GALNT10: variants seen among roughly 807,000 people sequenced by gnomAD.
GALNT10 encodes the protein polypeptide N-acetylgalactosaminyltransferase 10, also known as GalNAc transferase 10.
A neutral mutation model predicts 75.0 loss-of-function variants in GALNT10; 41 were observed. That is an observed-to-expected ratio of 0.55 (90% confidence interval 0.43 to 0.71). The LOEUF is 0.71. Ranked by LOEUF, GALNT10 falls within the 30% of genes least tolerant of loss-of-function variation. GALNT10 has a pLI of 0.00. For synonymous variants in GALNT10, 302 were observed against 313.0 expected (o/e 0.96, Z 0.37); for missense variants, 727 against 818.5 (o/e 0.89, Z 1.36).
intron 4 of GALNT10, among the ~76,000 whole-genome samples, chr5:154,332,641 T>C (rs931081482): frequency 6.6e-6 from 1 of 152,010 alleles, no homozygotes; most frequent in Non-Finnish European, 1.5e-5. Flanking sequence ...TGTGAATGAG[T>C]GAATAGATGC....
chr5:154,338,051 T>C, intron 4 of GALNT10: 2 of 1,348,574 alleles, frequency 1.5e-6, no homozygotes, highest in Non-Finnish European at 2.1e-6. Flanking sequence ...TCCATACTGT[T>C]CAAAATAATC....
At chr5:154,253,885 A>G (rs1375220212) in intron 1 of GALNT10, among the ~76,000 whole-genome samples, 1 of 152,002 alleles carries the variant, frequency 6.6e-6, no homozygotes, top group African/African-American at 2.4e-5. Context: ...ACCTCAGTGC[A>G]GGTCTTGATC....
intron 4 of GALNT10, among the ~76,000 whole-genome samples, chr5:154,356,805 A>G (rs1451972907): frequency 2.0e-5 from 3 of 152,220 alleles, no homozygotes; most frequent in Non-Finnish European, 4.4e-5. Flanking sequence ...AGAGGGCTAC[A>G]GAGGCCAAAC....
intron 4 of GALNT10, among the ~76,000 whole-genome samples, chr5:154,368,732 C>T (rs1755516748): frequency 6.6e-6 from 1 of 152,226 alleles, no homozygotes; most frequent in Non-Finnish European, 1.5e-5. Context: ...GTGCATTTCA[C>T]CTGCCAAAAC....
chr5:154,222,014 C>T (rs1165520616), intron 1 of GALNT10, among the ~76,000 whole-genome samples: 3 of 151,880 alleles, frequency 2.0e-5, no homozygotes, highest in Non-Finnish European at 2.9e-5. Context: ...AAGTGTGCAA[C>T]TTGATCAATT....
At chr5:154,333,406 C>T (rs1754896589) in intron 4 of GALNT10, among the ~76,000 whole-genome samples, 1 of 152,176 alleles carries the variant, frequency 6.6e-6, no homozygotes, top group African/African-American at 2.4e-5. Flanking sequence ...AAGGGCACTT[C>T]TTAATAAATT....
chr5:154,258,296 C>T, intron 1 of GALNT10, among the ~76,000 whole-genome samples: 1 of 152,136 alleles, frequency 6.6e-6, no homozygotes, highest in East Asian at 1.9e-4. Flanking sequence ...TATTCAGTGT[C>T]TATTGTCTTG....
In GALNT10 at chr5:154,409,616, C is replaced by T; in HGVS notation, c.1240C>T (p.His414Tyr). 1.2e-6 allele frequency: 2 copies of T among 1,613,618 alleles called. No homozygotes were observed. The highest frequency in any genetic ancestry group is 1.7e-6 in the Non-Finnish European group (2 of 1,179,512). ...TTACCAGCGCCGGCCTGAATACCGC[C>T]ACCTCTCCGCTGGGGATGTCGCAGT... ...YIYQRRPEYR[H>Y]LSAGDVAVQK... The change falls in exon 9 of 12, where the codon CAC (histidine) becomes TAC (tyrosine). Residue 414 changes from histidine to tyrosine, a missense_variant. Coordinates refer to ENST00000297107, the MANE Select transcript of GALNT10 (RefSeq NM_198321.4). This position sits in a 1 kb window ranked among gnomAD's most constrained non-coding sequence, Gnocchi z 4.5.
intron 3 of GALNT10, among the ~76,000 whole-genome samples, chr5:154,310,343 G>A (rs551193230): frequency 6.6e-6 from 1 of 152,282 alleles, no homozygotes; most frequent in South Asian, 2.1e-4. Flanking sequence ...TAGCGAGGCT[G>A]TTGTGGGAGG....
intron 2 of GALNT10, among the ~76,000 whole-genome samples, chr5:154,297,178 A>G (rs1035326918): frequency 6.6e-6 from 1 of 152,180 alleles, no homozygotes; most frequent in African/African-American, 2.4e-5. Flanking sequence ...AATTTCCTGG[A>G]GTATCACACT....
chr5:154,347,639 G>A (rs62379903), intron 4 of GALNT10, among the ~76,000 whole-genome samples: 2,939 of 152,216 alleles, frequency 0.019, 43 homozygotes, highest in Middle Eastern at 0.061. Flanking sequence ...TGGGATTACA[G>A]GCGTGAGCCA....
chr5:154,326,795 A>AT (rs1172988601), intron 3 of GALNT10, among the ~76,000 whole-genome samples: 1 of 152,180 alleles, frequency 6.6e-6, no homozygotes, highest in Non-Finnish European at 1.5e-5. Context: ...TTTAGGAGTG[A>AT]TGAAAATGTT....
In GALNT10 at chr5:154,190,991, G is replaced by A. The variant is rs750282728; in HGVS notation, c.125G>A (p.Gly42Glu). The change falls in exon 1 of 12, where the codon GGA becomes GAA. Residue 42 changes from glycine to glutamate, a missense_variant. Transcript: ENST00000297107. The part of the protein sequence containing the change: ...RERQPDGTPG[G>E]SGAAVAPAAG... ...CGGCAGCCCGACGGCACCCCTGGGG[G>A]ATCGGGGGCGGCGGTGGCGCCGGCG... 2.4e-5 allele frequency: 36 copies of A among 1,495,902 alleles called. No individual in the cohort carries two copies. The highest frequency in any genetic ancestry group is 3.2e-5 in the Non-Finnish European group (36 of 1,122,186). 92.7% of individuals were successfully genotyped at this position (1,495,902 alleles called of 1,614,324 possible). A position where few individuals can be genotyped will look rare whatever the true frequency, so the allele number is the denominator to read the frequency against.
intron 1 of GALNT10, among the ~76,000 whole-genome samples, chr5:154,275,666 G>A (rs1472537641): frequency 2.6e-5 from 4 of 152,204 alleles, no homozygotes; most frequent in African/African-American, 2.4e-5. Flanking sequence ...TGGCTCATTC[G>A]CATGACTGGT....
intron 1 of GALNT10, chr5:154,287,372 C>T (rs1479174676): frequency 4.6e-5 from 7 of 152,236 alleles, no homozygotes; most frequent in Non-Finnish European, 8.8e-5. Context: ...TTCTAACTCG[C>T]ATTCTTTCCA....
rs1056402758 is a variant in GALNT10 at position 154,347,601 on chromosome 5, A to T, written c.568+17863A>T. On this transcript the variant is annotated intron_variant, in intron 4 of 11. Coordinates refer to ENST00000297107, the MANE Select transcript of GALNT10 (RefSeq NM_198321.4). ...GGTCTCAAATTCCTGAGCCCAAGTGATCCTCCCGCCTCTGCCTCCCAAGGT... is the reference window on the plus strand; with the variant it reads ...GGTCTCAAATTCCTGAGCCCAAGTGTTCCTCCCGCCTCTGCCTCCCAAGGT... Among the ~76,000 whole-genome samples, 17 of 152,206 alleles carry T rather than the reference A, an allele frequency of 1.1e-4. No homozygotes were observed. In the East Asian group the frequency reaches 3.3e-3, roughly 30 times the overall value.
At chr5:154,358,090 C>T (rs1014360586) in intron 4 of GALNT10, among the ~76,000 whole-genome samples, 2 of 152,216 alleles carry the variant, frequency 1.3e-5, no homozygotes, top group African/African-American at 4.8e-5. Context: ...CGGCAGTTCA[C>T]ATTTCTGAAA....
At chr5:154,307,076 A>G (rs1182663347) in intron 3 of GALNT10, among the ~76,000 whole-genome samples, 1 of 152,242 alleles carries the variant, frequency 6.6e-6, no homozygotes, top group Non-Finnish European at 1.5e-5. Flanking sequence ...TATAGATTCT[A>G]TAACTATTAA....
chr5:154,412,876 C>T lies in GALNT10; in HGVS notation c.1387-13C>T, dbSNP rs1462071445. On this transcript the variant is annotated splice_polypyrimidine_tract_variant and intron_variant, in intron 9 of 11. Transcript: ENST00000297107. The surrounding 1 kb of genome is among the most constrained non-coding windows in gnomAD (Gnocchi z 4.2). ...CACCTCAGTGGTCCACTTCTTCCCTCTTTCCCTTTCAGATCCGAAATGTGG... is the reference window on the plus strand; with the variant it reads ...CACCTCAGTGGTCCACTTCTTCCCTTTTTCCCTTTCAGATCCGAAATGTGG... 8 of 1,593,410 alleles carry T rather than the reference C, an allele frequency of 5.0e-6. No homozygotes were observed. The highest frequency in any genetic ancestry group is 6.9e-6 in the Non-Finnish European group (8 of 1,161,348).
Sources: gnomAD v4.1 joint callset for allele counts (sites outside exome capture counted in the v4.1 genomes callset) on GRCh38, gnomAD v4.1.1 for gene constraint, Gnocchi (gnomAD v3.1) non-coding constraint, MANE v1.5 for transcripts, NCBI Gene and HGNC (gene_info 2026-07-23, HGNC 2026-07-21) for gene names.